The following THADA variants were observed in gnomAD, a reference collection of about 807,000 sequenced individuals.
THADA encodes tRNA (32-2'-O)-methyltransferase regulator THADA.
THADA carries 213 observed loss-of-function variants against 219.8 expected under a neutral mutation model. That is an observed-to-expected ratio of 0.97 (90% CI 0.87 to 1.09). The LOEUF (loss-of-function observed/expected upper bound fraction) is 1.09. Among genes scored for constraint, THADA ranks in the 50% least tolerant of loss-of-function variants. THADA has a pLI of 0.00. For missense variants in THADA, 2,956 were observed against 2,311.3 expected, an observed-to-expected ratio of 1.28 and a Z score of -5.72; for synonymous variants, 1,018 against 828.9, an observed-to-expected ratio of 1.23 and a Z score of -3.92.
At chr2:43,424,868 G>A (rs1212327799) in intron 28 of THADA, among the ~76,000 whole-genome samples, 3 of 152,126 alleles carry the variant, frequency 2.0e-5, no homozygotes, top group African/African-American at 7.2e-5. Context: ...GCCACACATG[G>A]TTAACCAATC....
chr2:43,419,662 G>C (rs1303224975), intron 28 of THADA, among the ~76,000 whole-genome samples: 1 of 152,146 alleles, frequency 6.6e-6, no homozygotes, highest in African/African-American at 2.4e-5. Context: ...GTCAGCATTT[G>C]GGGCTTGGTA....
At chr2:43,451,136 C>T (rs1376635199) in intron 26 of THADA, among the ~76,000 whole-genome samples, 3 of 152,012 alleles carry the variant, frequency 2.0e-5, no homozygotes, top group Non-Finnish European at 4.4e-5. Flanking sequence ...AAAAAATATG[C>T]TATTAAATTA....
At chr2:43,234,354 A>C (rs981279662) in intron 36 of THADA, among the ~76,000 whole-genome samples, 1 of 152,172 alleles carries the variant, frequency 6.6e-6, no homozygotes, top group Non-Finnish European at 1.5e-5. Context: ...AAGCAGGTGA[A>C]AGTACTGATC....
In THADA at chr2:43,560,294, G is replaced by A. The variant is rs774711325; in HGVS notation, c.2403C>T (p.Asp801=). ...GAAGATCAAATGCTAAAATTTTCAC[G>A]TCTTCAAAAGTGCTGGTAAAACATT... The part of the protein sequence containing the change: ...LMECFTSTFE[D]VKILAFDLLM... Residue 801 remains aspartate (D), a synonymous_variant, in exon 16 of 38, where the codon GAC becomes GAT. Transcript: ENST00000405975. 68 of 1,612,036 alleles carry A rather than the reference G, an allele frequency of 4.2e-5. No homozygotes were observed. The Admixed American group carries it at 6.9e-4, about 16-fold the overall frequency.
At chr2:43,424,827 G>A (rs373923925) in intron 28 of THADA, among the ~76,000 whole-genome samples, 3 of 152,080 alleles carry the variant, frequency 2.0e-5, no homozygotes, top group African/African-American at 7.2e-5. Flanking sequence ...CCACAAACCA[G>A]TCCTATAACC....
At chr2:43,320,953 G>C (rs889744204) in intron 30 of THADA, among the ~76,000 whole-genome samples, 17 of 152,142 alleles carry the variant, frequency 1.1e-4, no homozygotes, top group Non-Finnish European at 2.5e-4. Flanking sequence ...ATTTAGTATT[G>C]TGGAGAAGGA....
intron 30 of THADA, among the ~76,000 whole-genome samples, chr2:43,323,938 G>A (rs141068520): frequency 8.5e-5 from 13 of 152,344 alleles, no homozygotes; most frequent in Admixed American, 2.6e-4. Context: ...AAGAGAATGC[G>A]TTGATAAGGT....
At chr2:43,515,524 GTA>G (rs1196085032) in intron 22 of THADA, among the ~76,000 whole-genome samples, 1 of 146,386 alleles carries the variant, frequency 6.8e-6, no homozygotes, top group Non-Finnish European at 1.5e-5. Flanking sequence ...AAACCATAAA[GTA>G]TGTGTGTGTA....
intron 10 of THADA, among the ~76,000 whole-genome samples, chr2:43,576,088 AT>A (rs1475901787): frequency 2.0e-5 from 3 of 152,326 alleles, no homozygotes; most frequent in South Asian, 2.1e-4. Flanking sequence ...CAGGAAAAAA[AT>A]TTTTAAAGAA....
chr2:43,509,678 G>A (rs535809002), intron 22 of THADA, among the ~76,000 whole-genome samples: 74 of 152,138 alleles, frequency 4.9e-4, no homozygotes, highest in Middle Eastern at 3.4e-3. Flanking sequence ...GTGTAAAACA[G>A]ATAACTTCAG....
intron 30 of THADA, chr2:43,333,164 C>T (rs979170137): frequency 2.0e-5 from 3 of 152,206 alleles, no homozygotes; most frequent in African/African-American, 7.2e-5. Context: ...CCTTGTCCCA[C>T]TGGCTTGGGT....
intron 15 of THADA, chr2:43,563,865 A>G (rs1006634557): frequency 6.6e-6 from 1 of 152,196 alleles, no homozygotes; most frequent in Admixed American, 6.5e-5. Flanking sequence ...AGCCTCCTTT[A>G]AAAGTAATGC....
At chr2:43,483,228 C>G (rs1264046592) in intron 26 of THADA, among the ~76,000 whole-genome samples, 1 of 152,128 alleles carries the variant, frequency 6.6e-6, no homozygotes, top group Non-Finnish European at 1.5e-5. Context: ...TTATTACTAG[C>G]CTTCTTAAAG....
At position 43,461,078 on chromosome 2, in the gene THADA, T is replaced by G. The variant is rs140989521; in HGVS notation, c.3836+24156A>C. On this transcript the variant is annotated intron_variant, in intron 26 of 37. Coordinates refer to ENST00000405975, the MANE Select transcript of THADA (RefSeq NM_022065.5). ...TAGAGCAAAAACCTCTCGTAGAAAGTAGGCTGGACTGTGGAAGGCCTCAAA... is the reference window on the plus strand; with the variant it reads ...TAGAGCAAAAACCTCTCGTAGAAAGGAGGCTGGACTGTGGAAGGCCTCAAA... 6.1e-4 allele frequency among the ~76,000 whole-genome samples: 93 copies of G among 152,254 alleles called. No individual in the cohort carries two copies. In the East Asian group the frequency reaches 0.011, roughly 18 times the overall value.
chr2:43,354,655 A>G (rs749977753), intron 29 of THADA, among the ~76,000 whole-genome samples: 42 of 152,074 alleles, frequency 2.8e-4, no homozygotes, highest in Non-Finnish European at 4.3e-4. Flanking sequence ...TGGAACCTCT[A>G]GTTCTATTTA....
In THADA at chr2:43,493,046, G is replaced by T. The variant is rs142841024; in HGVS notation, c.3744+5787C>A. 6.6e-5 allele frequency among the ~76,000 whole-genome samples: 10 copies of T among 152,244 alleles called. No homozygotes were observed. In the East Asian group the frequency reaches 1.9e-3, roughly 29 times the overall value. On this transcript the variant is annotated intron_variant, in intron 25 of 37. Coordinates refer to ENST00000405975, the MANE Select transcript of THADA (RefSeq NM_022065.5). ...TTGTGGCAACCTCATAATTATCAGAGGGCCTGGAGATGCTGGTGCCAACAG... is the reference window on the plus strand; with the variant it reads ...TTGTGGCAACCTCATAATTATCAGATGGCCTGGAGATGCTGGTGCCAACAG...
At position 43,242,785 on chromosome 2, in the gene THADA, G is replaced by A. The variant is rs75586041; in HGVS notation, c.5297-9903C>T. 3.2e-3 allele frequency among the ~76,000 whole-genome samples: 493 copies of A among 152,230 alleles called. 11 individuals are homozygous for A. The highest frequency in any genetic ancestry group is 5.8e-3 in the East Asian group (30 of 5,176). On this transcript the variant is annotated intron_variant, in intron 36 of 37. Transcript: ENST00000405975. ...ACTACAGGTGTGAGCCACTGTGCCC[G>A]GCCCAGCACCTACATTCTTGACCAC...
chr2:43,541,090 G>T (rs746810596), intron 21 of THADA, 69 bp downstream of exon 21: 4 of 1,389,094 alleles, frequency 2.9e-6, no homozygotes, highest in South Asian at 1.8e-5. Context: ...TTAGAGTTGG[G>T]TTATAAAAAA....
rs1466709904 is a variant in THADA, at chr2:43,572,225, T to C, written c.1909-363A>G. Among the ~76,000 whole-genome samples, 3 of 152,194 alleles carry C rather than the reference T, an allele frequency of 2.0e-5. No individual in the cohort carries two copies. In the East Asian group the frequency reaches 5.8e-4, roughly 29 times the overall value. On this transcript the variant is annotated intron_variant, in intron 12 of 37. Transcript: ENST00000405975. ...TCCTGGTTTCTTTCTGCTCCCACTC[T>C]GGAAACTCACGTTTCCACTAATGTA... is the stretch of plus-strand genomic sequence containing the variant.
Sources: allele counts gnomAD v4.1 joint callset (sites outside exome capture counted in the v4.1 genomes callset), GRCh38; gene constraint gnomAD v4.1.1; transcripts MANE v1.5; gene names NCBI Gene and HGNC (gene_info 2026-07-23, HGNC 2026-07-21).